Variants in KIF6 observed in about 807,000 individuals in gnomAD.
KIF6 encodes the protein kinesin-like protein KIF6.
KIF6 carries 106 observed loss-of-function variants against 112.7 expected under a neutral mutation model. The ratio of observed to expected loss-of-function variants is 0.94; its 90% CI spans 0.80 to 1.11. The LOEUF is 1.11. Ranked by LOEUF, KIF6 falls within the 50% of genes least tolerant of loss-of-function variation. KIF6 has a pLI of 0.00. For missense variants in KIF6, 929 were observed against 964.0 expected, an observed-to-expected ratio of 0.96 and a Z score of 0.48; for synonymous variants, 339 against 339.9, an observed-to-expected ratio of 1.00 and a Z score of 0.03.
In KIF6 at chr6:39,641,740, C is replaced by T. The variant is rs557866993; in HGVS notation, c.252-1983G>A. On this transcript the variant is annotated intron_variant, in intron 3 of 22. Coordinates refer to ENST00000287152, the MANE Select transcript of KIF6 (RefSeq NM_145027.6). ...TTCATTTTGATATAGATATAGACTA[C>T]GAAAAGTGAGTAGGTAGTACACTAC... Among the ~76,000 whole-genome samples, 292 of 151,928 alleles carry T rather than the reference C, an allele frequency of 1.9e-3. 1 individual carries two copies. The highest frequency in any genetic ancestry group is 6.3e-3 in the African/African-American group (261 of 41,486).
At chr6:39,409,372 C>A (rs183990833) in intron 15 of KIF6, among the ~76,000 whole-genome samples, 1 of 152,318 alleles carries the variant, frequency 6.6e-6, no homozygotes, top group Admixed American at 6.5e-5. Context: ...AGTTTTGCCA[C>A]CGAAACTGCC....
intron 19 of KIF6, among the ~76,000 whole-genome samples, chr6:39,357,047 A>G (rs117941536): frequency 6.6e-6 from 1 of 152,254 alleles, no homozygotes; most frequent in East Asian, 1.9e-4. Context: ...TCTTGTTACC[A>G]TGGCAGTAGG....
At chr6:39,595,904 T>C (rs1582228501) in intron 7 of KIF6, 150 bp downstream of exon 7, 2 of 600,874 alleles carry the variant, frequency 3.3e-6, no homozygotes, top group Admixed American at 5.9e-5. Flanking sequence ...TGCCATTGAG[T>C]TGTACACTTA....
chr6:39,474,586 G>T (rs933521926), intron 13 of KIF6, among the ~76,000 whole-genome samples: 9 of 152,182 alleles, frequency 5.9e-5, no homozygotes, highest in African/African-American at 2.2e-4. Context: ...TTCCATGGGG[G>T]TAATAAGTGA....
intron 13 of KIF6, among the ~76,000 whole-genome samples, chr6:39,462,117 T>A (rs547911112): frequency 1.3e-5 from 2 of 152,216 alleles, no homozygotes; most frequent in Non-Finnish European, 2.9e-5. Flanking sequence ...CATATACCTA[T>A]GTTTCCAGGC....
rs9471135 is a variant in KIF6 at position 39,611,150 on chromosome 6, G to A, written c.639+2039C>T. 6.3e-3 allele frequency among the ~76,000 whole-genome samples: 961 copies of A among 152,094 alleles called. 8 individuals carry two copies. Among genetic ancestry groups the A allele is most frequent in the Non-Finnish European group, 0.011 (727 of 67,968 alleles). ...GCGAAACCCTGTCTCTACCAAAAATGCAAAAGAATTAGCCAGGTGTGGTGG... is the reference window on the plus strand; with the variant it reads ...GCGAAACCCTGTCTCTACCAAAAATACAAAAGAATTAGCCAGGTGTGGTGG... On this transcript the variant is annotated intron_variant, in intron 6 of 22. Coordinates refer to ENST00000287152, the MANE Select transcript of KIF6 (RefSeq NM_145027.6).
At chr6:39,625,876 A>C (rs1784066843) in intron 5 of KIF6, among the ~76,000 whole-genome samples, 1 of 152,128 alleles carries the variant, frequency 6.6e-6, no homozygotes, top group Non-Finnish European at 1.5e-5. Context: ...AAGTGAGAAA[A>C]AGGGTGAGAG....
intron 15 of KIF6, among the ~76,000 whole-genome samples, chr6:39,413,348 T>A (rs1295180399): frequency 6.6e-6 from 1 of 152,172 alleles, no homozygotes; most frequent in Non-Finnish European, 1.5e-5. Context: ...GTAAACATAA[T>A]TTTTGTGTGC....
chr6:39,434,436 C>T (rs1489970319), intron 13 of KIF6, among the ~76,000 whole-genome samples: 1 of 151,206 alleles, frequency 6.6e-6, no homozygotes, highest in African/African-American at 2.4e-5. Context: ...CTGGGCATGG[C>T]AGCACGCACC....
chr6:39,511,537 T>A (rs1776780121), intron 13 of KIF6, among the ~76,000 whole-genome samples: 1 of 152,190 alleles, frequency 6.6e-6, no homozygotes, highest in Non-Finnish European at 1.5e-5. Context: ...AGTGTGGTGA[T>A]TCCTCAAGGA....
At chr6:39,502,252 A>G (rs1453860109) in intron 13 of KIF6, among the ~76,000 whole-genome samples, 2 of 152,168 alleles carry the variant, frequency 1.3e-5, no homozygotes, top group African/African-American at 2.4e-5. Context: ...TCATAAGTGA[A>G]GGAGAAATAA....
rs529928940 is a variant in KIF6, at chr6:39,692,125, G to A, written c.251+22567C>T. On this transcript the variant is annotated intron_variant, in intron 3 of 22. Coordinates refer to ENST00000287152, the MANE Select transcript of KIF6 (RefSeq NM_145027.6). ...GATCTCGCCACTGCACTGCAGCCTGGCAACAGAGCGAGACTCCGTTTCAAA... is the reference window on the plus strand; with the variant it reads ...GATCTCGCCACTGCACTGCAGCCTGACAACAGAGCGAGACTCCGTTTCAAA... Among the ~76,000 whole-genome samples, 324 of 152,292 alleles carry A rather than the reference G, an allele frequency of 2.1e-3. 1 individual carries two copies. The highest frequency in any genetic ancestry group is 7.4e-3 in the African/African-American group (309 of 41,562).
At chr6:39,705,203 G>A (rs541024178) in intron 3 of KIF6, among the ~76,000 whole-genome samples, 4 of 152,292 alleles carry the variant, frequency 2.6e-5, no homozygotes, top group East Asian at 3.9e-4. Context: ...ATCACCTGGA[G>A]GGCTTGTTAA....
At chr6:39,624,847 T>A (rs577906684) in intron 5 of KIF6, among the ~76,000 whole-genome samples, 6 of 132,206 alleles carry the variant, frequency 4.5e-5, no homozygotes, top group African/African-American at 1.5e-4. Flanking sequence ...TAGGCAATGG[T>A]TGGTGAAAGC....
chr6:39,383,651 T>TG (rs1356043506), intron 16 of KIF6, among the ~76,000 whole-genome samples: 4 of 152,240 alleles, frequency 2.6e-5, no homozygotes, highest in Non-Finnish European at 5.9e-5. Flanking sequence ...GGCTCTTTTA[T>TG]GGTTCCATAT....
chr6:39,336,898 CCTTCCCTTT>C (rs60374477), intron 22 of KIF6, among the ~76,000 whole-genome samples: 5,169 of 149,764 alleles, frequency 0.035, 290 homozygotes, highest in African/African-American at 0.12. Context: ...TCCTTCCCTT[CCTTCCCTTT>C]CTTCCCTTTC....
At chr6:39,662,855 G>A (rs1786243305) in intron 3 of KIF6, among the ~76,000 whole-genome samples, 2 of 152,026 alleles carry the variant, frequency 1.3e-5, no homozygotes, top group Admixed American at 1.3e-4. Context: ...TCCACATGGA[G>A]TTGTTTATTC....
intron 5 of KIF6, among the ~76,000 whole-genome samples, chr6:39,625,404 T>C (rs1784038932): frequency 6.6e-6 from 1 of 152,120 alleles, no homozygotes; most frequent in African/African-American, 2.4e-5. Context: ...TCCTTCATCA[T>C]GATTACTGAC....
chr6:39,623,494 C>CA, intron 5 of KIF6, among the ~76,000 whole-genome samples: 1 of 152,302 alleles, frequency 6.6e-6, no homozygotes, highest in East Asian at 1.9e-4. Flanking sequence ...AGTTCTCGAA[C>CA]ATTTCCTGAG....
Sources: allele counts gnomAD v4.1 joint callset (sites outside exome capture counted in the v4.1 genomes callset), GRCh38; gene constraint gnomAD v4.1.1; transcripts MANE v1.5; gene names NCBI Gene and HGNC (gene_info 2026-07-23, HGNC 2026-07-21).